HTR2C: variants seen among roughly 807,000 people sequenced by gnomAD.
The protein encoded by HTR2C is 5-hydroxytryptamine (serotonin) receptor 2C, G protein-coupled.
A neutral mutation model predicts 21.0 loss-of-function variants in HTR2C; 5 were observed. The observed-to-expected ratio is 0.24, with a 90% CI of 0.12 to 0.50. The LOEUF is 0.50. HTR2C is among the 20% of genes least tolerant of loss of function. The pLI, the probability that HTR2C is intolerant of heterozygous loss-of-function variation, is 0.98. For synonymous variants in HTR2C, 150 were observed against 145.3 expected (o/e 1.03, Z -0.23); for missense variants, 271 against 371.2 (o/e 0.73, Z 2.22).
chrX:114,883,764 A>C lies in HTR2C; in HGVS notation c.551-22825A>C, dbSNP rs73573335. ...CTAATGGAAATATGCATTACCTCAC[A>C]TACATATCCTTTTTGTGGTGAGAAC... On this transcript the variant is annotated intron_variant, in intron 5 of 5. Transcript: ENST00000276198. Among the ~76,000 whole-genome samples, 546 of 110,870 alleles carry C rather than the reference A, an allele frequency of 4.9e-3. 2 individuals carry two copies. Among genetic ancestry groups the C allele is most frequent in the African/African-American group, 0.017 (525 of 30,713 alleles).
chrX:114,856,318 AAG>A (rs1439019273), intron 5 of HTR2C, among the ~76,000 whole-genome samples: 1 of 98,498 alleles, frequency 1.0e-5, no homozygotes, highest in Admixed American at 1.1e-4. Flanking sequence ...AAGGAAATAA[AAG>A]AGGATACAAA....
intron 4 of HTR2C, among the ~76,000 whole-genome samples, chrX:114,829,526 G>A (rs1038942627): frequency 1.1e-4 from 12 of 110,560 alleles, no homozygotes; most frequent in Non-Finnish European, 1.9e-5. Context: ...TGCTACTGGT[G>A]TCATATCTAA....
In HTR2C at chrX:114,784,385, T is replaced by C. The variant is rs188086297; in HGVS notation, c.349+52778T>C. On this transcript the variant is annotated intron_variant, in intron 4 of 5. Coordinates refer to ENST00000276198, the MANE Select transcript of HTR2C (RefSeq NM_000868.4). ...ATACTGGCAGTCGTAGCTTGTGAGG[T>C]CTTTCCAAGGAAATTACCACACATT... Among the ~76,000 whole-genome samples the C allele has an allele frequency of 9.7e-3, 1,078 of 111,270 alleles. 16 individuals carry two copies. The highest frequency in any genetic ancestry group is 0.033 in the African/African-American group (1,008 of 30,633).
intron 2 of HTR2C, among the ~76,000 whole-genome samples, chrX:114,681,627 T>C (rs190048526): frequency 9.0e-6 from 1 of 111,555 alleles, no homozygotes; most frequent in Non-Finnish European, 1.9e-5. Flanking sequence ...AATAATGTTT[T>C]CTCTGGTTTG....
chrX:114,900,776 A>G (rs1027978820), intron 5 of HTR2C, among the ~76,000 whole-genome samples: 3 of 111,815 alleles, frequency 2.7e-5, no homozygotes, highest in Non-Finnish European at 5.6e-5. Context: ...ATCTCTTGGC[A>G]GTCTGTTTCC....
intron 4 of HTR2C, among the ~76,000 whole-genome samples, chrX:114,800,694 C>T (rs781994271): frequency 4.5e-5 from 5 of 111,434 alleles, no homozygotes; most frequent in Non-Finnish European, 9.4e-5. Context: ...GCAACATTTA[C>T]GTAAAAATAG....
chrX:114,775,181 T>C lies in HTR2C; in HGVS notation c.349+43574T>C. 5 of 522,239 alleles carry C rather than the reference T, an allele frequency of 9.6e-6. No individual in the cohort carries two copies. In the South Asian group the frequency reaches 1.1e-4, roughly 12 times the overall value. The allele number at this position is 522,239 out of a possible 1,213,427, so 43.0% of individuals were successfully genotyped here. ...GATGACACTTTGTCCCTCTGCCTCT[T>C]ATCTTCAGCTTTGTACTTCTCAGCT... On this transcript the variant is annotated intron_variant, in intron 4 of 5. Coordinates refer to ENST00000276198, the MANE Select transcript of HTR2C (RefSeq NM_000868.4).
At chrX:114,695,259 T>C (rs1472988401) in intron 2 of HTR2C, among the ~76,000 whole-genome samples, 2 of 112,436 alleles carry the variant, frequency 1.8e-5, no homozygotes, top group African/African-American at 6.5e-5. Flanking sequence ...AATGATTGTA[T>C]GATATGGGAA....
Position 114,906,917 on chromosome X carries a change from G to A in HTR2C, c.879G>A (p.Glu293=), listed in dbSNP as rs782711180. ...ACGCACGCCGAAGAAAGAAGAAGGA[G>A]AGACGTCCTAGGGGCACCATGCAGG... ...DQNARRRKKK[E]RRPRGTMQAI... Residue 293 remains glutamate, a synonymous_variant, in exon 6 of 6, where the codon GAG becomes GAA. Coordinates refer to ENST00000276198, the MANE Select transcript of HTR2C (RefSeq NM_000868.4). 5.8e-6 allele frequency: 7 copies of A among 1,211,101 alleles called. No homozygotes were observed. The Admixed American group carries it at 6.5e-5, about 11-fold the overall frequency.
At chrX:114,750,040 C>T (rs1324981105) in intron 4 of HTR2C, among the ~76,000 whole-genome samples, 1 of 111,381 alleles carries the variant, frequency 9.0e-6, no homozygotes. Flanking sequence ...CAGATCACAC[C>T]CATTTTCCTT....
chrX:114,808,920 C>T (rs1222034186), intron 4 of HTR2C, among the ~76,000 whole-genome samples: 1 of 111,906 alleles, frequency 8.9e-6, no homozygotes, highest in Admixed American at 9.5e-5. Flanking sequence ...GTGGCCACCA[C>T]CACTGGGACT....
At position 114,870,191 on chromosome X, in the gene HTR2C, G is replaced by T. The variant is rs782421759; in HGVS notation, c.550+21988G>T. ...CAACCTCTGCCTCCCAGGTTTAAGT[G>T]ATTCTCCTGCCTCAGCCTCCTGAGT... On this transcript the variant is annotated intron_variant, in intron 5 of 5. Transcript: ENST00000276198. 1.1e-4 allele frequency among the ~76,000 whole-genome samples: 12 copies of T among 109,606 alleles called. 1 individual carries two copies. The Middle Eastern group carries it at 0.019, about 169-fold the overall frequency.
intron 4 of HTR2C, among the ~76,000 whole-genome samples, chrX:114,782,251 A>T (rs2070127490): frequency 9.0e-6 from 1 of 111,369 alleles, no homozygotes; most frequent in African/African-American, 3.3e-5. Flanking sequence ...AGATGAAAAC[A>T]GAGGAACTTT....
intron 2 of HTR2C, among the ~76,000 whole-genome samples, chrX:114,616,570 A>G (rs1928957215): frequency 9.5e-6 from 1 of 105,627 alleles, no homozygotes; most frequent in Non-Finnish European, 2.0e-5. Context: ...TACAGGCATA[A>G]GCCACCGCGC....
intron 5 of HTR2C, among the ~76,000 whole-genome samples, chrX:114,852,013 A>G (rs1033195442): frequency 1.1e-4 from 12 of 111,149 alleles, no homozygotes; most frequent in Admixed American, 3.9e-4. Context: ...TATTATTTAT[A>G]TTTTCTATAT....
chrX:114,848,279 T>G, intron 5 of HTR2C, 76 bp downstream of exon 5: 1 of 659,418 alleles, frequency 1.5e-6, no homozygotes, highest in Non-Finnish European at 2.3e-6. Flanking sequence ...GTGAACAACG[T>G]ACAGACGTCG....
chrX:114,860,910 C>T (rs782687847), intron 5 of HTR2C, among the ~76,000 whole-genome samples: 60 of 110,859 alleles, frequency 5.4e-4, no homozygotes, highest in South Asian at 2.7e-3. Context: ...AAATGCAATA[C>T]GTATACTTTA....
chrX:114,841,663 C>T (rs1276910963), intron 4 of HTR2C, among the ~76,000 whole-genome samples: 1 of 110,507 alleles, frequency 9.0e-6, no homozygotes, highest in African/African-American at 3.3e-5. Context: ...ATGGCTTGAA[C>T]CCGGAAGGCA....
In HTR2C at chrX:114,747,252, T is replaced by C. The variant is rs1377258535; in HGVS notation, c.349+15645T>C. Among the ~76,000 whole-genome samples the C allele has an allele frequency of 2.7e-5, 3 of 112,072 alleles. No individual in the cohort carries two copies. In the East Asian group the frequency reaches 8.4e-4, roughly 32 times the overall value. ...AAGTTCCTCAACTTGATAAAGGGGATCTACAATTATCCTTAAGCAGACGTT... is the reference window on the plus strand; with the variant it reads ...AAGTTCCTCAACTTGATAAAGGGGACCTACAATTATCCTTAAGCAGACGTT... On this transcript the variant is annotated intron_variant, in intron 4 of 5. Transcript: ENST00000276198.
Sources: allele counts gnomAD v4.1 joint callset (sites outside exome capture counted in the v4.1 genomes callset), GRCh38; gene constraint gnomAD v4.1.1; transcripts MANE v1.5; gene names NCBI Gene and HGNC (gene_info 2026-07-23, HGNC 2026-07-21).